NAALADL2: variants seen among roughly 807,000 people sequenced by gnomAD.
NAALADL2 encodes the protein inactive N-acetylated-alpha-linked acidic dipeptidase-like protein 2.
In NAALADL2, 76 loss-of-function variants were observed where a neutral mutation model predicts 87.2. The ratio of observed to expected loss-of-function variants is 0.87; its 90% CI spans 0.72 to 1.05. The LOEUF (loss-of-function observed/expected upper bound fraction) is 1.05, where lower values mean the gene tolerates loss of function less well. Ranked by LOEUF, NAALADL2 falls within the 50% of genes least tolerant of loss-of-function variation. The probability of loss-of-function intolerance (pLI) is 0.00; values close to 1 mark genes in which losing one functional copy is unlikely to be tolerated. For missense variants in NAALADL2, 1,089 were observed against 945.8 expected, an observed-to-expected ratio of 1.15 and a Z score of -1.99; for synonymous variants, 354 against 331.0, an observed-to-expected ratio of 1.07 and a Z score of -0.75.
intron 11 of NAALADL2, among the ~76,000 whole-genome samples, chr3:175,723,621 G>A (rs1742533106): frequency 6.6e-6 from 1 of 152,010 alleles, no homozygotes; most frequent in Non-Finnish European, 1.5e-5. Flanking sequence ...AGTAATCACG[G>A]TGTTTCTCTA....
At chr3:174,584,350 A>G (rs1368121473) in intron 2 of NAALADL2, among the ~76,000 whole-genome samples, 2 of 152,140 alleles carry the variant, frequency 1.3e-5, no homozygotes, top group Non-Finnish European at 2.9e-5. Context: ...TAGCAGATGC[A>G]GTGCATGTTT....
chr3:174,757,680 T>TA (rs1712306877), intron 3 of NAALADL2, among the ~76,000 whole-genome samples: 1 of 151,902 alleles, frequency 6.6e-6, no homozygotes, highest in African/African-American at 2.4e-5. Context: ...TATTTTATTT[T>TA]TTTTTGTAGA....
At chr3:174,494,411 G>A (rs1160769866) in intron 1 of NAALADL2, among the ~76,000 whole-genome samples, 3 of 150,848 alleles carry the variant, frequency 2.0e-5, no homozygotes, top group Admixed American at 2.0e-4. Flanking sequence ...ACTCATAGGT[G>A]GGAATTGAAC....
chr3:174,727,738 T>G (rs1353177649), intron 2 of NAALADL2, among the ~76,000 whole-genome samples: 1 of 152,084 alleles, frequency 6.6e-6, no homozygotes, highest in African/African-American at 2.4e-5. Flanking sequence ...TCAACCAAAG[T>G]CCATAGCCTG....
chr3:175,785,228 T>A (rs1330410547), intron 13 of NAALADL2, among the ~76,000 whole-genome samples: 1 of 149,416 alleles, frequency 6.7e-6, no homozygotes, highest in Non-Finnish European at 1.5e-5. Context: ...GTCTGCTTGG[T>A]GCAGAGCTGA....
chr3:175,586,795 A>G (rs1720600568), intron 10 of NAALADL2, among the ~76,000 whole-genome samples: 2 of 152,216 alleles, frequency 1.3e-5, no homozygotes, highest in Admixed American at 1.3e-4. Context: ...AGGTATATAT[A>G]ATTAATACAA....
chr3:175,516,219 C>A (rs1731813277), intron 9 of NAALADL2, among the ~76,000 whole-genome samples: 1 of 152,142 alleles, frequency 6.6e-6, no homozygotes, highest in African/African-American at 2.4e-5. Flanking sequence ...AAAGAAACAC[C>A]AGCAAACAGA....
In NAALADL2 at chr3:175,804,538, C is replaced by T. The variant is rs1043760055; in HGVS notation, c.*1335C>T. The T allele has an allele frequency of 1.3e-5, 2 of 151,684 alleles. No homozygotes were observed. Among genetic ancestry groups the T allele is most frequent in the Non-Finnish European group, 2.9e-5 (2 of 67,808 alleles). The allele number at this position is 151,684 out of a possible 1,614,324, so 9.4% of individuals were successfully genotyped here. A position where few individuals can be genotyped will look rare whatever the true frequency, so the allele number is the denominator to read the frequency against. ...AGAAATTTATGTGAAAAATGGTTTT[C>T]CTATACTGGATAAAGCAATTCCCCT... is the stretch of plus-strand genomic sequence containing the variant. On this transcript the variant is annotated 3_prime_UTR_variant, in exon 14 of 14. Transcript: ENST00000454872.
At chr3:174,731,968 A>T (rs999607456) in intron 2 of NAALADL2, among the ~76,000 whole-genome samples, 8 of 152,292 alleles carry the variant, frequency 5.3e-5, no homozygotes, top group African/African-American at 1.9e-4. Flanking sequence ...TATAGCAGGA[A>T]AGCCACCATA....
At chr3:174,932,584 G>A (rs1054354437) in intron 1 of NAALADL2, among the ~76,000 whole-genome samples, 2 of 152,016 alleles carry the variant, frequency 1.3e-5, no homozygotes, top group African/African-American at 4.8e-5. Context: ...GAATTGCTGG[G>A]CTTTCCTTAG....
At chr3:175,179,060 A>G (rs533022623) in intron 2 of NAALADL2, among the ~76,000 whole-genome samples, 94 of 151,780 alleles carry the variant, frequency 6.2e-4, no homozygotes, top group Non-Finnish European at 1.1e-3. Flanking sequence ...AACCAAGCTC[A>G]CTCTCTAGGA....
rs1241810931 is a variant in NAALADL2, at chr3:175,667,223, GAAAGAAAGAAAGAAAGAAAA to G, written c.1896+39839_1896+39858del. Among the ~76,000 whole-genome samples, 46 of 127,080 alleles carry G rather than the reference GAAAGAAAGAAAGAAAGAAAA, an allele frequency of 3.6e-4. 1 individual carries two copies. Among genetic ancestry groups the G allele is most frequent in the South Asian group, 2.4e-4 (1 of 4,166 alleles). 83.4% of individuals were successfully genotyped at this position (127,080 alleles called of 152,430 possible). Reference sequence around the variant, plus strand: ...AGAAAGAAAGAAAGAAAGAAAGAAAGAAAGAAAGAAAGAAAGAAAAAGAAAGAAAGAAAGAAAGAAAGGAA... The same window carrying G: ...AGAAAGAAAGAAAGAAAGAAAGAAAGAGAAAGAAAGAAAGAAAGAAAGGAA... On this transcript the variant is annotated intron_variant, in intron 11 of 13. Transcript: ENST00000454872.
chr3:175,065,949 C>T (rs76716830), intron 1 of NAALADL2, among the ~76,000 whole-genome samples: 16,975 of 152,156 alleles, frequency 0.11, 1,084 homozygotes, highest in East Asian at 0.21. Flanking sequence ...TAACGGTATT[C>T]GGTCTTAATG....
chr3:174,503,574 TA>T (rs1443505620), intron 1 of NAALADL2, among the ~76,000 whole-genome samples: 6 of 152,172 alleles, frequency 3.9e-5, no homozygotes, highest in African/African-American at 1.2e-4. Flanking sequence ...TAATTAAAAA[TA>T]TTAGTTTAAT....
At chr3:175,472,298 G>A (rs184001190) in intron 9 of NAALADL2, among the ~76,000 whole-genome samples, 1 of 152,086 alleles carries the variant, frequency 6.6e-6, no homozygotes, top group East Asian at 1.9e-4. Context: ...TATTTTTTAT[G>A]TTTCATTGGA....
chr3:175,241,971 C>T lies in NAALADL2; in HGVS notation c.819+7767C>T, dbSNP rs1309414712. On this transcript the variant is annotated intron_variant, in intron 3 of 13. Coordinates refer to ENST00000454872, the MANE Select transcript of NAALADL2 (RefSeq NM_207015.3). ...CTGCCTCCTGGGTTCATGTGATTCT[C>T]TTGCCTCAGCCTCCCAAGTAGCTGG... Among the ~76,000 whole-genome samples, 26 of 143,974 alleles carry T rather than the reference C, an allele frequency of 1.8e-4. 1 individual carries two copies. The Admixed American group carries it at 1.8e-3, about 10-fold the overall frequency. 94.5% of individuals were successfully genotyped at this position (143,974 alleles called of 152,430 possible).
At chr3:175,120,583 C>A (rs9866306) in intron 2 of NAALADL2, among the ~76,000 whole-genome samples, 4 of 151,616 alleles carry the variant, frequency 2.6e-5, no homozygotes, top group African/African-American at 9.7e-5. Flanking sequence ...TTGCATTGGT[C>A]CAAGTATTAA....
At chr3:175,446,254 C>T (rs540515293) in intron 5 of NAALADL2, among the ~76,000 whole-genome samples, 194 of 33,586 alleles carry the variant, frequency 5.8e-3, no homozygotes, top group Middle Eastern at 0.013. Context: ...TTGGGGGGGG[C>T]GGGGGGGACT....
At chr3:175,496,710 C>T (rs1728860297) in intron 9 of NAALADL2, among the ~76,000 whole-genome samples, 1 of 151,988 alleles carries the variant, frequency 6.6e-6, no homozygotes, top group African/African-American at 2.4e-5. Context: ...CATGCCACTA[C>T]ACCCAGCTAT....
Sources: gnomAD v4.1 joint callset for allele counts (sites outside exome capture counted in the v4.1 genomes callset) on GRCh38, gnomAD v4.1.1 for gene constraint, MANE v1.5 for transcripts, NCBI Gene and HGNC (gene_info 2026-07-23, HGNC 2026-07-21) for gene names.